Variants in NR2F1-AS1 observed in about 807,000 individuals in gnomAD.
The protein encoded by NR2F1-AS1 is NR2F1 regulatory antisense RNA 1.
At chr5:93,575,883 C>T (rs1752883544) in intron 1 of NR2F1-AS1, among the ~76,000 whole-genome samples, 2 of 152,296 alleles carry the variant, frequency 1.3e-5, no homozygotes, top group Admixed American at 6.5e-5. Context: ...ACCTAATCAT[C>T]GCCCCCCATG....
chr5:93,447,818 T>C (rs1460226960), intron 4 of NR2F1-AS1, among the ~76,000 whole-genome samples: 2 of 152,204 alleles, frequency 1.3e-5, no homozygotes, highest in African/African-American at 4.8e-5. Context: ...AATGATAGTC[T>C]GGATTAAGAA....
At chr5:93,448,230 A>G (rs1462578937) in intron 4 of NR2F1-AS1, among the ~76,000 whole-genome samples, 1 of 152,160 alleles carries the variant, frequency 6.6e-6, no homozygotes, top group African/African-American at 2.4e-5. Context: ...CACTTATAAC[A>G]CAGATTTCAC....
At chr5:93,573,131 G>C (rs1234238812) in intron 1 of NR2F1-AS1, among the ~76,000 whole-genome samples, 7 of 152,230 alleles carry the variant, frequency 4.6e-5, no homozygotes, top group Non-Finnish European at 2.9e-5. Context: ...GCGTTTTTGC[G>C]CAGAGAAGTA....
At chr5:93,450,244 A>C (rs888534956) in intron 4 of NR2F1-AS1, among the ~76,000 whole-genome samples, 3 of 152,192 alleles carry the variant, frequency 2.0e-5, no homozygotes, top group African/African-American at 7.2e-5. Flanking sequence ...CTCAAATTTT[A>C]TACATAGGCA....
At chr5:93,495,940 T>C (rs1383086183) in intron 4 of NR2F1-AS1, 2 of 152,104 alleles carry the variant, frequency 1.3e-5, no homozygotes, top group Non-Finnish European at 2.9e-5. Flanking sequence ...AGAATGTATA[T>C]TCTCAAAACT....
intron 4 of NR2F1-AS1, chr5:93,544,692 G>C (rs925776425): frequency 1.3e-5 from 2 of 152,076 alleles, no homozygotes; most frequent in African/African-American, 4.8e-5. Flanking sequence ...GGGAGGCCGA[G>C]GTGGGCAGAT....
chr5:93,440,630 G>C (rs1395694511), intron 4 of NR2F1-AS1, among the ~76,000 whole-genome samples: 1 of 152,096 alleles, frequency 6.6e-6, no homozygotes, highest in Non-Finnish European at 1.5e-5. Flanking sequence ...AAGTAAGCCA[G>C]TTTTTTATAG....
At chr5:93,573,912 A>G (rs1273027817) in intron 1 of NR2F1-AS1, among the ~76,000 whole-genome samples, 1 of 152,188 alleles carries the variant, frequency 6.6e-6, no homozygotes, top group East Asian at 1.9e-4. Flanking sequence ...CTCTTTTTCG[A>G]CACCCATCCA....
At chr5:93,583,308 C>G (rs1188625075), upstream of NR2F1-AS1, 3 of 150,666 alleles carry the variant, frequency 2.0e-5, no homozygotes, top group East Asian at 5.8e-4. Flanking sequence ...CTTCTCTTCT[C>G]TCTCTCTCTC....
intron 4 of NR2F1-AS1, chr5:93,545,019 C>A (rs1223085798): frequency 6.6e-6 from 1 of 151,512 alleles, no homozygotes; most frequent in African/African-American, 2.4e-5. Context: ...GAGTTTGCAC[C>A]TATGGGGGGC....
intron 4 of NR2F1-AS1, among the ~76,000 whole-genome samples, chr5:93,530,563 T>C (rs979633999): frequency 2.0e-5 from 3 of 152,182 alleles, no homozygotes; most frequent in African/African-American, 7.2e-5. Flanking sequence ...GTAACAACCT[T>C]ACTAGTAGTT....
At position 93,524,708 on chromosome 5, in the gene NR2F1-AS1, C is replaced by T. The variant is rs533228243; in HGVS notation, n.638+29053G>A. Among the ~76,000 whole-genome samples, 12 of 152,184 alleles carry T rather than the reference C, an allele frequency of 7.9e-5. No homozygotes were observed. The South Asian group carries it at 2.3e-3, about 29-fold the overall frequency. On this transcript the variant is annotated intron_variant and non_coding_transcript_variant, in intron 4 of 5. Coordinates refer to ENST00000660523, the Ensembl canonical transcript of NR2F1-AS1. Reference sequence around the variant, plus strand: ...AGAGAGTGGGGTCCAATATGCAATACTCTTAAAGAAAAGAATTTTCAACCC... The same window carrying T: ...AGAGAGTGGGGTCCAATATGCAATATTCTTAAAGAAAAGAATTTTCAACCC...
chr5:93,426,893 C>G (rs541406701), intron 4 of NR2F1-AS1, among the ~76,000 whole-genome samples: 11 of 152,254 alleles, frequency 7.2e-5, no homozygotes, highest in African/African-American at 1.7e-4. Context: ...AAGTTCCCCC[C>G]CTCCCGCCAA....
intron 4 of NR2F1-AS1, among the ~76,000 whole-genome samples, chr5:93,413,784 C>A (rs1748911864): frequency 6.6e-6 from 1 of 152,100 alleles, no homozygotes. Flanking sequence ...CAGAATAGAC[C>A]AAGAATTCTG....
intron 4 of NR2F1-AS1, among the ~76,000 whole-genome samples, chr5:93,505,619 A>G (rs982585450): frequency 6.6e-6 from 1 of 152,168 alleles, no homozygotes; most frequent in Non-Finnish European, 1.5e-5. Context: ...CAGGCTCAAT[A>G]CCACTGGGAA....
intron 4 of NR2F1-AS1, among the ~76,000 whole-genome samples, chr5:93,517,787 T>A (rs779918283): frequency 2.6e-4 from 39 of 152,112 alleles, no homozygotes; most frequent in Non-Finnish European, 5.1e-4. Flanking sequence ...AAGAGTTGAA[T>A]GATATAAACA....
chr5:93,452,018 T>A (rs183386735), intron 4 of NR2F1-AS1, among the ~76,000 whole-genome samples: 3 of 152,338 alleles, frequency 2.0e-5, no homozygotes, highest in African/African-American at 7.2e-5. Context: ...TAGAATTATC[T>A]AATGTTTTAT....
intron 4 of NR2F1-AS1, among the ~76,000 whole-genome samples, chr5:93,531,096 A>G (rs186412071): frequency 3.2e-4 from 48 of 152,318 alleles, no homozygotes; most frequent in Admixed American, 1.3e-4. Flanking sequence ...TTAATAAAAA[A>G]CAAATACAGA....
At chr5:93,422,510 G>C (rs1257999956) in intron 4 of NR2F1-AS1, 1 of 152,174 alleles carries the variant, frequency 6.6e-6, no homozygotes. Context: ...ACATTCATTA[G>C]GCTGGAGCAA....
Sources: allele counts gnomAD v4.1 joint callset (sites outside exome capture counted in the v4.1 genomes callset), GRCh38; gene constraint gnomAD v4.1.1; transcripts MANE v1.5; gene names NCBI Gene and HGNC (gene_info 2026-07-23, HGNC 2026-07-21).